The following PODXL variants were observed in gnomAD, a reference collection of about 807,000 sequenced individuals.
PODXL encodes podocalyxin like.
A neutral mutation model predicts 48.9 loss-of-function variants in PODXL; 20 were observed. That is an observed-to-expected ratio of 0.41 (90% CI 0.29 to 0.59). The LOEUF is 0.59. Ranked by LOEUF, PODXL falls within the 20% of genes least tolerant of loss-of-function variation. PODXL has a pLI of 0.31. For synonymous variants in PODXL, 295 were observed against 287.4 expected (o/e 1.03, Z -0.27); for missense variants, 606 against 675.1 (o/e 0.90, Z 1.13).
At chr7:131,534,523 C>T (rs1392086944) in intron 1 of PODXL, among the ~76,000 whole-genome samples, 8 of 146,216 alleles carry the variant, frequency 5.5e-5, no homozygotes, top group African/African-American at 9.9e-5. Context: ...CAGGGGTGGC[C>T]GGCGGGGGTA....
chr7:131,512,681 T>C (rs1332793525), intron 1 of PODXL, among the ~76,000 whole-genome samples: 3 of 152,132 alleles, frequency 2.0e-5, no homozygotes, highest in African/African-American at 7.2e-5. Flanking sequence ...AAAGGCCCTC[T>C]TAAAAATCAC....
chr7:131,506,856 A>AG, intron 5 of PODXL, 130 bp from the exon 6 acceptor site: 1 of 925,884 alleles, frequency 1.1e-6, no homozygotes, highest in Non-Finnish European at 1.7e-6. Context: ...CTCTAGCCCC[A>AG]GCTGGTGCTC....
intron 1 of PODXL, among the ~76,000 whole-genome samples, chr7:131,520,695 T>C (rs1485431674): frequency 6.6e-6 from 1 of 152,244 alleles, no homozygotes; most frequent in Non-Finnish European, 1.5e-5. Flanking sequence ...GTAAAAGGAA[T>C]TGTTTCATGT....
chr7:131,534,208 A>T (rs188960436), intron 1 of PODXL, among the ~76,000 whole-genome samples: 55 of 152,270 alleles, frequency 3.6e-4, no homozygotes, highest in Non-Finnish European at 7.4e-4. Context: ...TCAGTGAGGC[A>T]TGGCTGATCT....
At chr7:131,520,258 C>A in intron 1 of PODXL, 2 of 475,438 alleles carry the variant, frequency 4.2e-6, no homozygotes, top group African/African-American at 2.0e-5. Flanking sequence ...AGCAGCATGC[C>A]CCTCAGGCAC....
intron 1 of PODXL, among the ~76,000 whole-genome samples, chr7:131,543,862 A>G (rs1338362206): frequency 6.6e-6 from 1 of 152,148 alleles, no homozygotes; most frequent in East Asian, 1.9e-4. Flanking sequence ...CAAATGCATG[A>G]GAACAGCCCC....
intron 1 of PODXL, among the ~76,000 whole-genome samples, chr7:131,513,197 G>A (rs1314236555): frequency 6.6e-6 from 1 of 152,164 alleles, no homozygotes; most frequent in East Asian, 1.9e-4. Flanking sequence ...CTGGAAAGAA[G>A]AGTGTGTGGA....
intron 1 of PODXL, among the ~76,000 whole-genome samples, chr7:131,536,597 T>C (rs1798377687): frequency 6.6e-6 from 1 of 152,136 alleles, no homozygotes; most frequent in Non-Finnish European, 1.5e-5. Flanking sequence ...AGGCGCCTAA[T>C]CTGGCCTTCC....
chr7:131,551,859 C>T (rs1685655215), intron 1 of PODXL, among the ~76,000 whole-genome samples: 1 of 151,812 alleles, frequency 6.6e-6, no homozygotes, highest in South Asian at 2.1e-4. Context: ...ATGGCGTGAA[C>T]CCGGGAGGTG....
chr7:131,545,857 G>A (rs1798566924), intron 1 of PODXL, among the ~76,000 whole-genome samples: 1 of 152,134 alleles, frequency 6.6e-6, no homozygotes, highest in South Asian at 2.1e-4. Flanking sequence ...GTTCTTACTG[G>A]ACACAGTTTG....
intron 1 of PODXL, among the ~76,000 whole-genome samples, chr7:131,543,741 G>C (rs1377932336): frequency 6.6e-6 from 1 of 152,162 alleles, no homozygotes; most frequent in Non-Finnish European, 1.5e-5. Context: ...GATGAAGAAA[G>C]GGCCGAGGCC....
intron 1 of PODXL, among the ~76,000 whole-genome samples, chr7:131,515,415 T>C (rs1318338153): frequency 1.3e-5 from 2 of 152,160 alleles, no homozygotes; most frequent in Non-Finnish European, 2.9e-5. Context: ...AGAATTTTTT[T>C]TTTGAGACAG....
intron 1 of PODXL, among the ~76,000 whole-genome samples, chr7:131,516,910 G>T (rs1798006255): frequency 1.3e-5 from 2 of 151,796 alleles, no homozygotes; most frequent in Non-Finnish European, 2.9e-5. Context: ...TGTAGAAACA[G>T]GATCTCCCTA....
At chr7:131,544,784 G>T (rs1319663680) in intron 1 of PODXL, among the ~76,000 whole-genome samples, 1 of 152,180 alleles carries the variant, frequency 6.6e-6, no homozygotes, top group East Asian at 1.9e-4. Context: ...GCTAGCTGCA[G>T]CTGGAAAAGC....
At chr7:131,551,054 G>A (rs557309072) in intron 1 of PODXL, among the ~76,000 whole-genome samples, 8 of 152,196 alleles carry the variant, frequency 5.3e-5, no homozygotes, top group Non-Finnish European at 8.8e-5. Flanking sequence ...CTGCCGACTC[G>A]AAGCAGTCAT....
At chr7:131,521,829 C>A (rs951106905) in intron 1 of PODXL, among the ~76,000 whole-genome samples, 1 of 152,142 alleles carries the variant, frequency 6.6e-6, no homozygotes, top group Non-Finnish European at 1.5e-5. Flanking sequence ...AGAAAACAGC[C>A]GGTGCTGAAA....
At position 131,556,527 on chromosome 7, in the gene PODXL, G is replaced by T. The variant is rs1280558651; in HGVS notation, c.-168C>A. On this transcript the variant is annotated 5_prime_UTR_variant, in exon 1 of 9. Coordinates refer to ENST00000378555, the MANE Select transcript of PODXL (RefSeq NM_001018111.3). ...CGCGCTGCGGCGGCTCTTCCTCCCT[G>T]CCGCTGCAGCAGAGCCGGGCTGGGG... The T allele has an allele frequency of 1.3e-6, 1 of 776,994 alleles. No homozygotes were observed. The highest frequency in any genetic ancestry group is 3.6e-5 in the East Asian group (1 of 27,738). 48.1% of individuals were successfully genotyped at this position (776,994 alleles called of 1,614,324 possible).
intron 1 of PODXL, among the ~76,000 whole-genome samples, chr7:131,538,867 G>A (rs1462687348): frequency 6.6e-6 from 1 of 152,206 alleles, no homozygotes; most frequent in Non-Finnish European, 1.5e-5. Context: ...AAGGGGATGG[G>A]TTCTTCCTGA....
intron 2 of PODXL, among the ~76,000 whole-genome samples, chr7:131,510,617 G>A (rs750839692): frequency 5.3e-5 from 8 of 151,908 alleles, no homozygotes; most frequent in South Asian, 2.1e-4. Flanking sequence ...GATTACAGGC[G>A]CCTGCCACCA....
Sources: allele counts gnomAD v4.1 joint callset (sites outside exome capture counted in the v4.1 genomes callset), GRCh38; gene constraint gnomAD v4.1.1; transcripts MANE v1.5; gene names NCBI Gene and HGNC (gene_info 2026-07-23, HGNC 2026-07-21).